The following CCBE1 variants were observed in gnomAD, a reference collection of about 807,000 sequenced individuals.
The protein encoded by CCBE1 is collagen and calcium-binding EGF domain-containing protein 1.
CCBE1 carries 37 observed loss-of-function variants against 50.0 expected under a neutral mutation model. The observed-to-expected ratio is 0.74, with a 90% CI of 0.57 to 0.97. The LOEUF is 0.97. Ranked by LOEUF, CCBE1 falls within the 50% of genes least tolerant of loss-of-function variation. The pLI is 0.00. For missense variants in CCBE1, 538 were observed against 523.8 expected, an observed-to-expected ratio of 1.03 and a Z score of -0.26; for synonymous variants, 234 against 203.7, an observed-to-expected ratio of 1.15 and a Z score of -1.27.
intron 2 of CCBE1, among the ~76,000 whole-genome samples, chr18:59,677,090 T>C (rs2054514796): frequency 6.6e-6 from 1 of 152,086 alleles, no homozygotes; most frequent in Non-Finnish European, 1.5e-5. Flanking sequence ...TATTTTAAGG[T>C]TCAGGATCAT....
At chr18:59,660,593 C>T (rs930352596) in intron 2 of CCBE1, among the ~76,000 whole-genome samples, 1 of 152,120 alleles carries the variant, frequency 6.6e-6, no homozygotes, top group Non-Finnish European at 1.5e-5. Context: ...ATAAATACTG[C>T]CCAAGTTCTC....
chr18:59,559,465 C>G (rs1403630258), intron 2 of CCBE1, among the ~76,000 whole-genome samples: 2 of 152,158 alleles, frequency 1.3e-5, no homozygotes, highest in Non-Finnish European at 2.9e-5. Flanking sequence ...GGGAGTTAAG[C>G]AAGTAATGTC....
At chr18:59,441,203 A>G (rs1307007434) in intron 7 of CCBE1, among the ~76,000 whole-genome samples, 2 of 152,194 alleles carry the variant, frequency 1.3e-5, no homozygotes, top group Non-Finnish European at 2.9e-5. Flanking sequence ...ATTCAATCCA[A>G]AATTTTCAGA....
intron 2 of CCBE1, among the ~76,000 whole-genome samples, chr18:59,593,499 T>C (rs1481981443): frequency 1.3e-5 from 2 of 152,380 alleles, no homozygotes; most frequent in East Asian, 3.9e-4. Flanking sequence ...TCAGCTGTTT[T>C]AGATTATCTC....
intron 2 of CCBE1, among the ~76,000 whole-genome samples, chr18:59,484,253 C>A (rs763727962): frequency 6.6e-6 from 1 of 152,136 alleles, no homozygotes; most frequent in African/African-American, 2.4e-5. Context: ...GAAAAGTGTA[C>A]TAGATGATTT....
At chr18:59,445,655 C>G (rs1437938256) in intron 7 of CCBE1, among the ~76,000 whole-genome samples, 3 of 152,320 alleles carry the variant, frequency 2.0e-5, no homozygotes. Context: ...ACATGTCTCA[C>G]ACCCCTACTC....
chr18:59,689,117 G>A (rs758113664), intron 2 of CCBE1, among the ~76,000 whole-genome samples: 1 of 152,222 alleles, frequency 6.6e-6, no homozygotes, highest in Non-Finnish European at 1.5e-5. Flanking sequence ...ATGGGCCCTA[G>A]TTTGCCAATC....
intron 2 of CCBE1, among the ~76,000 whole-genome samples, chr18:59,520,497 A>C (rs987470345): frequency 2.6e-5 from 4 of 152,198 alleles, no homozygotes; most frequent in Admixed American, 6.5e-5. Flanking sequence ...TAAGAAAAAA[A>C]CCCATCTGTT....
intron 2 of CCBE1, among the ~76,000 whole-genome samples, chr18:59,485,853 G>A (rs1183219190): frequency 6.6e-6 from 1 of 151,256 alleles, no homozygotes; most frequent in East Asian, 1.9e-4. Context: ...CGCCCGCCTC[G>A]GCCTCCCAAA....
intron 2 of CCBE1, among the ~76,000 whole-genome samples, chr18:59,633,460 C>A (rs2053876420): frequency 6.6e-6 from 1 of 152,202 alleles, no homozygotes; most frequent in African/African-American, 2.4e-5. Flanking sequence ...TTATTTATTG[C>A]CAACAGCATT....
intron 6 of CCBE1, among the ~76,000 whole-genome samples, chr18:59,449,296 A>T (rs112169487): frequency 9.2e-5 from 14 of 152,212 alleles, no homozygotes; most frequent in African/African-American, 2.9e-4. Flanking sequence ...TGCCTGACTC[A>T]GTGTCCAGCC....
At chr18:59,561,617 C>A (rs1277718824) in intron 2 of CCBE1, among the ~76,000 whole-genome samples, 2 of 152,188 alleles carry the variant, frequency 1.3e-5, no homozygotes, top group Non-Finnish European at 2.9e-5. Flanking sequence ...TGCTCTTGGG[C>A]TCTTGGGGCT....
chr18:59,488,434 G>A (rs1346036003), intron 2 of CCBE1, among the ~76,000 whole-genome samples: 1 of 152,162 alleles, frequency 6.6e-6, no homozygotes, highest in African/African-American at 2.4e-5. Context: ...TAAAACCCTG[G>A]TCATGGTATC....
intron 2 of CCBE1, among the ~76,000 whole-genome samples, chr18:59,686,567 C>CAGTACTTG (rs1371231967): frequency 1.3e-5 from 2 of 152,224 alleles, no homozygotes; most frequent in Admixed American, 1.3e-4. Context: ...ACTCATCAGA[C>CAGTACTTG]AGTACTTGAT....
chr18:59,478,676 A>G (rs1460898254), intron 3 of CCBE1, among the ~76,000 whole-genome samples: 2 of 152,200 alleles, frequency 1.3e-5, no homozygotes, highest in Non-Finnish European at 2.9e-5. Context: ...TATCCATGCA[A>G]TGTGTTTTTA....
chr18:59,614,861 A>G (rs1053967612), intron 2 of CCBE1, among the ~76,000 whole-genome samples: 1 of 152,224 alleles, frequency 6.6e-6, no homozygotes, highest in African/African-American at 2.4e-5. Flanking sequence ...ACAAATGTTA[A>G]TATATGAGAA....
intron 2 of CCBE1, among the ~76,000 whole-genome samples, chr18:59,686,762 T>A (rs1483804527): frequency 6.6e-6 from 1 of 152,172 alleles, no homozygotes; most frequent in South Asian, 2.1e-4. Context: ...ATATACAGTA[T>A]CTCCCTCCCT....
intron 2 of CCBE1, among the ~76,000 whole-genome samples, chr18:59,619,459 A>G (rs768454786): frequency 6.6e-6 from 1 of 152,240 alleles, no homozygotes; most frequent in Non-Finnish European, 1.5e-5. Context: ...AGCTAGGACT[A>G]CATTTGCACA....
chr18:59,675,503 C>G (rs913386642), intron 2 of CCBE1, among the ~76,000 whole-genome samples: 6 of 152,202 alleles, frequency 3.9e-5, no homozygotes, highest in Admixed American at 6.5e-5. Context: ...CAGCTTCCCT[C>G]TAAGTGGACA....
Sources: allele counts gnomAD v4.1 joint callset (sites outside exome capture counted in the v4.1 genomes callset), GRCh38; gene constraint gnomAD v4.1.1; transcripts MANE v1.5; gene names NCBI Gene and HGNC (gene_info 2026-07-23, HGNC 2026-07-21).